The following EFNA5 variants were observed in gnomAD, a reference collection of about 807,000 sequenced individuals.
EFNA5 encodes ephrin-A5.
Under a neutral mutation model 22.9 loss-of-function variants are expected in EFNA5, and 5 were observed. The ratio of observed to expected loss-of-function variants is 0.22; its 90% CI spans 0.11 to 0.46. The LOEUF is 0.46. Among genes scored for constraint, EFNA5 ranks in the 20% least tolerant of loss-of-function variants. EFNA5 has a pLI of 0.99. For synonymous variants in EFNA5, 113 were observed against 112.2 expected, an observed-to-expected ratio of 1.01 and a Z score of -0.04; for missense variants, 237 against 293.3, an observed-to-expected ratio of 0.81 and a Z score of 1.40.
chr5:107,564,756 A>G (rs139502374), intron 1 of EFNA5, among the ~76,000 whole-genome samples: 1,812 of 151,532 alleles, frequency 0.012, 33 homozygotes, highest in African/African-American at 0.041. Flanking sequence ...TTCAGATTTA[A>G]AATTATTAAT....
rs560986006 is a variant in EFNA5, at chr5:107,633,877, T to A, written c.125+36612A>T. 5.3e-5 allele frequency among the ~76,000 whole-genome samples: 8 copies of A among 152,324 alleles called. No individual in the cohort carries two copies. The South Asian group carries it at 1.7e-3, about 32-fold the overall frequency. ...CCAAAGAACTTTTCTTTCTTTCTTT[T>A]ATTTTTGGCCCTAGATCTAGCCCAG... On this transcript the variant is annotated intron_variant, in intron 1 of 4. Coordinates refer to ENST00000333274, the MANE Select transcript of EFNA5 (RefSeq NM_001962.3).
chr5:107,549,976 G>C (rs531926433), intron 1 of EFNA5, among the ~76,000 whole-genome samples: 3 of 152,358 alleles, frequency 2.0e-5, no homozygotes, highest in Admixed American at 1.3e-4. Flanking sequence ...TAAGGTATTT[G>C]TCTACCTTTC....
At chr5:107,659,145 C>T (rs1000826238) in intron 1 of EFNA5, among the ~76,000 whole-genome samples, 1 of 152,154 alleles carries the variant, frequency 6.6e-6, no homozygotes, top group African/African-American at 2.4e-5. Context: ...GCAAATATCA[C>T]TCAATAGTTT....
chr5:107,520,588 C>T (rs1561420771), intron 1 of EFNA5, among the ~76,000 whole-genome samples: 1 of 152,168 alleles, frequency 6.6e-6, no homozygotes, highest in Non-Finnish European at 1.5e-5. Context: ...CAAGGGGGAG[C>T]TCCTAGTGGA....
chr5:107,659,722 A>G (rs1408601947), intron 1 of EFNA5, among the ~76,000 whole-genome samples: 1 of 152,086 alleles, frequency 6.6e-6, no homozygotes, highest in Non-Finnish European at 1.5e-5. Flanking sequence ...TAATAGTCAG[A>G]TATGTTAATA....
intron 1 of EFNA5, among the ~76,000 whole-genome samples, chr5:107,533,926 C>T (rs552023346): frequency 2.0e-5 from 3 of 152,312 alleles, no homozygotes; most frequent in African/African-American, 7.2e-5. Context: ...GCCTGAACCA[C>T]ACTTTACCTT....
At chr5:107,615,916 T>C (rs1749903003) in intron 1 of EFNA5, among the ~76,000 whole-genome samples, 1 of 152,168 alleles carries the variant, frequency 6.6e-6, no homozygotes, top group African/African-American at 2.4e-5. Context: ...TAGACTATGG[T>C]TAAAACCCAA....
chr5:107,620,413 A>G (rs1338646651), intron 1 of EFNA5, among the ~76,000 whole-genome samples: 1 of 152,200 alleles, frequency 6.6e-6, no homozygotes, highest in African/African-American at 2.4e-5. Context: ...GTTAAGATTC[A>G]TTTCTCTTTT....
At chr5:107,651,928 C>A (rs1750744127) in intron 1 of EFNA5, among the ~76,000 whole-genome samples, 2 of 152,076 alleles carry the variant, frequency 1.3e-5, no homozygotes, top group Non-Finnish European at 1.5e-5. Context: ...CATATTAAGA[C>A]CCTGTTAATC....
intron 1 of EFNA5, among the ~76,000 whole-genome samples, chr5:107,637,365 C>T (rs1750394222): frequency 6.6e-6 from 1 of 152,084 alleles, no homozygotes; most frequent in Non-Finnish European, 1.5e-5. Flanking sequence ...AGCCTGCTTC[C>T]AGCATCTGTC....
At position 107,643,871 on chromosome 5, in the gene EFNA5, T is replaced by TTAACAA. The variant is rs774011307; in HGVS notation, c.125+26617_125+26618insTTGTTA. Among the ~76,000 whole-genome samples, 280 of 146,266 alleles carry TTAACAA rather than the reference T, an allele frequency of 1.9e-3. 1 individual carries two copies. Among genetic ancestry groups the TTAACAA allele is most frequent in the African/African-American group, 6.4e-3 (243 of 37,862 alleles). ...TCTTCTTTATAGCTGTCTATTTTCT[T>TTAACAA]TAATAATAATAATAATAATAATAAT... On this transcript the variant is annotated intron_variant, in intron 1 of 4. Transcript: ENST00000333274.
chr5:107,655,013 GAA>G (rs57899914), intron 1 of EFNA5, among the ~76,000 whole-genome samples: 6 of 148,680 alleles, frequency 4.0e-5, no homozygotes, highest in Non-Finnish European at 8.9e-5. Flanking sequence ...TGCGCTCATG[GAA>G]AAAAAAAAAT....
At chr5:107,616,108 C>G (rs1021554072) in intron 1 of EFNA5, among the ~76,000 whole-genome samples, 1 of 152,094 alleles carries the variant, frequency 6.6e-6, no homozygotes, top group Non-Finnish European at 1.5e-5. Context: ...TAAAACCTTT[C>G]CATGTAGCAT....
intron 1 of EFNA5, among the ~76,000 whole-genome samples, chr5:107,460,076 T>C (rs1243963178): frequency 6.6e-6 from 1 of 152,178 alleles, no homozygotes; most frequent in Non-Finnish European, 1.5e-5. Context: ...ATACAGAAGA[T>C]GACTGTAGCC....
intron 4 of EFNA5, among the ~76,000 whole-genome samples, chr5:107,382,910 G>A (rs191862267): frequency 3.5e-4 from 53 of 152,262 alleles, no homozygotes; most frequent in Admixed American, 3.4e-3. Context: ...ACCCCTTAAT[G>A]GGTTAACTAA....
intron 1 of EFNA5, among the ~76,000 whole-genome samples, chr5:107,616,129 G>A (rs977283317): frequency 1.3e-5 from 2 of 152,136 alleles, no homozygotes; most frequent in Non-Finnish European, 1.5e-5. Context: ...CTTTGATGAA[G>A]TCAATAGGAT....
In EFNA5 at chr5:107,435,315, C is replaced by CTT. The variant is rs3999107; in HGVS notation, c.126-7808_126-7807dup. On this transcript the variant is annotated intron_variant, in intron 1 of 4. Transcript: ENST00000333274. ...TTCCTATTCTAAATCTGAAGATGCT[C>CTT]TTTTTTTTTTTTTTTTTTTTTTGCT... 4.0e-3 allele frequency among the ~76,000 whole-genome samples: 418 copies of CTT among 104,318 alleles called. 3 individuals carry two copies. Among genetic ancestry groups the CTT allele is most frequent in the African/African-American group, 6.4e-3 (161 of 25,108 alleles). The allele number at this position is 104,318 out of a possible 152,430, so 68.4% of individuals were successfully genotyped here. A position where few individuals can be genotyped will look rare whatever the true frequency, so the allele number is the denominator to read the frequency against.
chr5:107,603,635 T>C (rs1336132370), intron 1 of EFNA5, among the ~76,000 whole-genome samples: 2 of 152,202 alleles, frequency 1.3e-5, no homozygotes, highest in East Asian at 3.9e-4. Context: ...TTGTCATCAG[T>C]GTTTTACATG....
At chr5:107,451,311 C>T (rs573153216) in intron 1 of EFNA5, among the ~76,000 whole-genome samples, 10 of 152,178 alleles carry the variant, frequency 6.6e-5, no homozygotes, top group South Asian at 6.2e-4. Context: ...AAATCAACTA[C>T]GTTGGTTTGT....
Sources: allele counts gnomAD v4.1 joint callset (sites outside exome capture counted in the v4.1 genomes callset), GRCh38; gene constraint gnomAD v4.1.1; transcripts MANE v1.5; gene names NCBI Gene and HGNC (gene_info 2026-07-23, HGNC 2026-07-21).